Variants in MTERF4 observed in about 807,000 individuals in gnomAD.
MTERF4 encodes the protein mitochondrial transcription termination factor 4, also known as transcription termination factor 4, mitochondrial.
In MTERF4, 17 loss-of-function variants were observed where a neutral mutation model predicts 22.5. The ratio of observed to expected loss-of-function variants is 0.75; its 90% CI spans 0.52 to 1.13. The LOEUF (loss-of-function observed/expected upper bound fraction) is 1.13. Ranked by LOEUF, MTERF4 falls within the 50% of genes most tolerant of loss-of-function variation. The pLI is 0.00. For missense variants in MTERF4, 420 were observed against 466.8 expected, an observed-to-expected ratio of 0.90 and a Z score of 0.92; for synonymous variants, 165 against 175.3, an observed-to-expected ratio of 0.94 and a Z score of 0.47.
At chr2:241,068,769 CCTCGTGG>C (rs1157958184), downstream of MTERF4, 1 of 624,318 alleles carries the variant, frequency 1.6e-6, no homozygotes, top group Non-Finnish European at 2.9e-6. This position sits in a 1 kb window ranked among gnomAD's most constrained non-coding sequence, Gnocchi z 5.3. Context: ...TGAGTCTGCC[CCTCGTGG>C]AGGTTGCCTG....
chr2:241,067,712 C>T, downstream of MTERF4: 2 of 1,509,312 alleles, frequency 1.3e-6, no homozygotes, highest in South Asian at 1.2e-5. Context: ...CCCCTGCACT[C>T]CCCCAGGAGC....
rs1222534451 is a variant in MTERF4 at position 241,073,452 on chromosome 2, G to C, written n.2710C>G. The C allele has an allele frequency of 1.8e-6, 2 of 1,105,206 alleles. No individual in the cohort carries two copies. Among genetic ancestry groups the C allele is most frequent in the East Asian group, 5.2e-5 (2 of 38,758 alleles). The allele number at this position is 1,105,206 out of a possible 1,614,324, so 68.5% of individuals were successfully genotyped here. ...CTGCAGGCAGGAGGGACCACCCACG[G>C]TGAGGAATCAGGAGGCACAGAGCCT... On this transcript the variant is annotated non_coding_transcript_exon_variant, in exon 5 of 5. Transcript: ENST00000464344. This position sits in a 1 kb window ranked among gnomAD's most constrained non-coding sequence, Gnocchi z 6.6.
At chr2:241,090,253 A>C (rs1227311744), downstream of MTERF4, 1 of 1,515,106 alleles carries the variant, frequency 6.6e-7, no homozygotes, top group South Asian at 1.2e-5. Context: ...CTAAGACACA[A>C]ACACACACAT....
chr2:241,052,703 G>T, the MTERF4 span, among the ~76,000 whole-genome samples: 8 of 58,680 alleles, frequency 1.4e-4, no homozygotes, highest in Non-Finnish European at 2.7e-4. Context: ...GGGGGGGGGG[G>T]GTCAAGCAGG....
At chr2:241,061,381 A>G in the MTERF4 span, among the ~76,000 whole-genome samples, 1 of 152,244 alleles carries the variant, frequency 6.6e-6, no homozygotes, top group Non-Finnish European at 1.5e-5. Flanking sequence ...AATGTGGATC[A>G]ACAAGATTTC....
At chr2:241,058,156 AAAAAG>A in the MTERF4 span, among the ~76,000 whole-genome samples, 1 of 152,348 alleles carries the variant, frequency 6.6e-6, no homozygotes, top group South Asian at 2.1e-4. Flanking sequence ...TTACTATCAG[AAAAAG>A]AAGAGTATAA....
chr2:241,066,729 A>G, the MTERF4 span, among the ~76,000 whole-genome samples: 1 of 152,182 alleles, frequency 6.6e-6, no homozygotes, highest in Non-Finnish European at 1.5e-5. Context: ...TATGGGTAGC[A>G]TGGCGGGTAG....
chr2:241,052,910 G>C, the MTERF4 span, among the ~76,000 whole-genome samples: 3 of 151,416 alleles, frequency 2.0e-5, no homozygotes, highest in Non-Finnish European at 4.4e-5. Flanking sequence ...AGGGCTAGAG[G>C]GGGGTCAAGT....
In MTERF4 at chr2:241,072,927, G is replaced by A. The variant is rs146434091; in HGVS notation, n.3235C>T. On this transcript the variant is annotated non_coding_transcript_exon_variant, in exon 5 of 5. Coordinates refer to the MTERF4 transcript ENST00000464344. ...CAGCCTCCAAGAAGCAGGGGTGGAA[G>A]GAGAGGAATGCAGAATTTGACCCTA... The A allele has an allele frequency of 8.9e-4, 315 of 355,210 alleles. 5 individuals carry two copies. In the East Asian group the frequency reaches 0.015, roughly 17 times the overall value. The allele number at this position is 355,210 out of a possible 1,614,324, so 22.0% of individuals were successfully genotyped here. A position where few individuals can be genotyped will look rare whatever the true frequency, so the allele number is the denominator to read the frequency against.
exon 5 of MTERF4, chr2:241,072,211 C>T (rs2062765329): frequency 1.8e-6 from 1 of 551,208 alleles, no homozygotes; most frequent in Non-Finnish European, 3.5e-6. Context: ...GGGCTCTGAG[C>T]TTTGTTTTAG....
At chr2:241,080,170 G>A (rs2063263187) in intron 4 of MTERF4, among the ~76,000 whole-genome samples, 1 of 152,102 alleles carries the variant, frequency 6.6e-6, no homozygotes, top group African/African-American at 2.4e-5. Context: ...TGTAGTACCA[G>A]CTACTCGGGA....
At chr2:241,094,113 T>G, downstream of MTERF4, 2 of 352,470 alleles carry the variant, frequency 5.7e-6, no homozygotes, top group Non-Finnish European at 1.2e-5. The surrounding 1 kb of genome is among the most constrained non-coding windows in gnomAD (Gnocchi z 4.3). Context: ...AATGTCTCAT[T>G]TCCAAACAGT....
chr2:241,093,260 C>T (rs146778878), downstream of MTERF4: 57 of 152,746 alleles, frequency 3.7e-4, no homozygotes, highest in African/African-American at 1.3e-3. Context: ...TTCACAAACG[C>T]GTACTGCGGA....
chr2:241,071,343 G>A (rs957231371), downstream of MTERF4: 4 of 595,088 alleles, frequency 6.7e-6, no homozygotes, highest in African/African-American at 1.9e-5. Flanking sequence ...GTGCACGCCT[G>A]TGTCATGGCT....
intron 4 of MTERF4, among the ~76,000 whole-genome samples, chr2:241,081,333 G>A (rs2063317408): frequency 6.6e-6 from 1 of 152,166 alleles, no homozygotes; most frequent in African/African-American, 2.4e-5. Context: ...GTCGGGGTGG[G>A]GAGGGGCCAC....
the MTERF4 span, among the ~76,000 whole-genome samples, chr2:241,058,352 GATTA>G: frequency 6.6e-6 from 1 of 151,950 alleles, no homozygotes; most frequent in African/African-American, 2.4e-5. Flanking sequence ...TTTCAAACTT[GATTA>G]ATTAAATGTC....
At chr2:241,063,679 G>T in the MTERF4 span, 8 of 1,610,322 alleles carry the variant, frequency 5.0e-6, no homozygotes, top group African/African-American at 1.1e-4. Context: ...TGCAGGCTTC[G>T]TTGGAGTCCA....
At chr2:241,064,027 A>C in the MTERF4 span, 1 of 1,548,166 alleles carries the variant, frequency 6.5e-7, no homozygotes. This position sits in a 1 kb window ranked among gnomAD's most constrained non-coding sequence, Gnocchi z 7.0. Flanking sequence ...GACGCCTGCG[A>C]CTCCAGCCCC....
Position 241,096,063 on chromosome 2 carries a change from C to A in MTERF4, c.1081G>T (p.Asp361Tyr). The A allele has an allele frequency of 6.2e-7, 1 of 1,613,370 alleles. No homozygotes were observed. The highest frequency in any genetic ancestry group is 8.5e-7 in the Non-Finnish European group (1 of 1,179,648). Residue 361 changes from aspartate (D) to tyrosine (Y), a missense_variant, in exon 4 of 4, where the codon GAT (aspartate) becomes TAT (tyrosine). Physicochemically the swap from Asp to Tyr is radical, Grantham distance 160. Transcript: ENST00000391980. This position sits in a 1 kb window ranked among gnomAD's most constrained non-coding sequence, Gnocchi z 5.1. ...NDEDDNDEDD[D>Y]DEDDDEAEDN... is the part of the protein sequence containing the mutation. ...TCCGCCTCGTCGTCGTCCTCATCAT[C>A]GTCATCCTCATCATTGTCATCCTCA...
Sources: allele counts gnomAD v4.1 joint callset (sites outside exome capture counted in the v4.1 genomes callset), GRCh38; gene constraint gnomAD v4.1.1; non-coding constraint Gnocchi (gnomAD v3.1); transcripts MANE v1.5; gene names NCBI Gene and HGNC (gene_info 2026-07-23, HGNC 2026-07-21).